GCNT2: variants seen among roughly 807,000 people sequenced by gnomAD.
GCNT2 encodes N-acetyllactosaminide beta-1,6-N-acetylglucosaminyl-transferase.
A neutral mutation model predicts 34.2 loss-of-function variants in GCNT2; 34 were observed. The observed-to-expected ratio is 1.00, with a 90% CI of 0.76 to 1.32. GCNT2 has a LOEUF of 1.32. Among genes scored for constraint, GCNT2 ranks in the 40% most tolerant of loss-of-function variants. The pLI, the probability that GCNT2 is intolerant of heterozygous loss-of-function variation, is 0.00. For synonymous variants in GCNT2, 212 were observed against 188.0 expected, an observed-to-expected ratio of 1.13 and a Z score of -1.04; for missense variants, 584 against 489.4, an observed-to-expected ratio of 1.19 and a Z score of -1.82.
intron 3 of GCNT2, chr6:10,556,127 C>T (rs986572645): frequency 4.3e-5 from 55 of 1,292,132 alleles, no homozygotes; most frequent in African/African-American, 1.2e-4. Flanking sequence ...TTTAGCAAAA[C>T]AGCTAGCAGA....
chr6:10,584,222 C>T (rs1764242085), intron 3 of GCNT2, among the ~76,000 whole-genome samples: 1 of 152,076 alleles, frequency 6.6e-6, no homozygotes. Context: ...GTAAAGGAAT[C>T]TGTGTCATAA....
At chr6:10,588,766 T>C (rs557043053) in intron 3 of GCNT2, among the ~76,000 whole-genome samples, 2 of 146,340 alleles carry the variant, frequency 1.4e-5, no homozygotes, top group African/African-American at 5.0e-5. Flanking sequence ...GTGTGTGGTG[T>C]GTTTGTAGTG....
At chr6:10,534,450 G>C (rs1761667124) in intron 3 of GCNT2, among the ~76,000 whole-genome samples, 1 of 152,026 alleles carries the variant, frequency 6.6e-6, no homozygotes, top group Admixed American at 6.6e-5. Context: ...CTGCTCTCTT[G>C]ACAGCAAGTG....
intron 3 of GCNT2, among the ~76,000 whole-genome samples, chr6:10,539,409 G>A (rs1244186666): frequency 2.0e-5 from 3 of 151,596 alleles, no homozygotes; most frequent in South Asian, 2.1e-4. Context: ...GGCTGGTCTC[G>A]AACTCCTGAC....
rs375876874 is a variant in GCNT2 at position 10,625,624 on chromosome 6, A to T, written c.1019-793A>T. On this transcript the variant is annotated intron_variant, in intron 4 of 4. Transcript: ENST00000495262. ...CTTGGATAGACCAGAGCTCAGGAAA[A>T]AGACTTACTCAACGCAACCCATAAA... is the stretch of plus-strand genomic sequence containing the variant. Among the ~76,000 whole-genome samples the T allele has an allele frequency of 1.6e-4, 24 of 152,290 alleles. No homozygotes were observed. In the East Asian group the frequency reaches 3.5e-3, roughly 22 times the overall value.
chr6:10,597,153 C>CTTTTTT (rs33945698), intron 3 of GCNT2, among the ~76,000 whole-genome samples: 1 of 112,600 alleles, frequency 8.9e-6, no homozygotes, highest in African/African-American at 3.3e-5. Context: ...TAGGAATTGC[C>CTTTTTT]TTTTTTTTTT....
At chr6:10,580,117 A>G (rs1313927970) in intron 3 of GCNT2, among the ~76,000 whole-genome samples, 2 of 152,256 alleles carry the variant, frequency 1.3e-5, no homozygotes, top group African/African-American at 4.8e-5. Context: ...AAACCAAAGA[A>G]GACAAAACTG....
intron 3 of GCNT2, among the ~76,000 whole-genome samples, chr6:10,566,009 C>T (rs564685220): frequency 2.4e-4 from 37 of 152,132 alleles, no homozygotes; most frequent in Admixed American, 1.3e-3. Flanking sequence ...GAGAGCTCCT[C>T]GAGATCTGGC....
chr6:10,577,266 G>A (rs1763862383), intron 3 of GCNT2, among the ~76,000 whole-genome samples: 1 of 152,222 alleles, frequency 6.6e-6, no homozygotes, highest in African/African-American at 2.4e-5. Flanking sequence ...GCCATGTAGG[G>A]CAGGGGGTGG....
intron 3 of GCNT2, among the ~76,000 whole-genome samples, chr6:10,544,627 TAAA>T (rs1762183834): frequency 5.4e-5 from 8 of 149,234 alleles, no homozygotes; most frequent in African/African-American, 2.0e-4. Flanking sequence ...TAAAATAAAA[TAAA>T]ATATTAAATA....
chr6:10,581,440 T>C (rs1026688845), intron 3 of GCNT2, among the ~76,000 whole-genome samples: 1 of 152,040 alleles, frequency 6.6e-6, no homozygotes, highest in Admixed American at 6.5e-5. Context: ...CTGGCTAATT[T>C]TGTATTTTTA....
At position 10,529,636 on chromosome 6, in the gene GCNT2, C is replaced by T. The variant is rs775733706; in HGVS notation, c.725C>T (p.Ser242Phe). The T allele has an allele frequency of 6.2e-7, 1 of 1,614,114 alleles. No homozygotes were observed. The highest frequency in any genetic ancestry group is 1.7e-5 in the Admixed American group (1 of 60,012). The change falls in exon 3 of 5, where the codon TCC becomes TTC. Residue 242 changes from serine (S) to phenylalanine (F), a missense_variant. Coordinates refer to ENST00000495262, the MANE Select transcript of GCNT2 (RefSeq NM_145649.5). ...VHQELLNHKN[S>F]YVIKTTKLKT... is the part of the protein sequence containing the mutation. ...CAAGAACTGTTAAACCACAAAAATT[C>T]CTACGTGATTAAAACAACAAAATTA...
chr6:10,585,034 T>A (rs1043180971), intron 3 of GCNT2, among the ~76,000 whole-genome samples: 15 of 16,608 alleles, frequency 9.0e-4, no homozygotes, highest in African/African-American at 2.3e-3. Flanking sequence ...CCATAGTCAG[T>A]GTGTGTGTGT....
At chr6:10,573,376 A>AT (rs1763642118) in intron 3 of GCNT2, 11 of 802,314 alleles carry the variant, frequency 1.4e-5, no homozygotes, top group Non-Finnish European at 1.7e-5. Flanking sequence ...TTGCTTGGGC[A>AT]TTTAGTGTTA....
intron 3 of GCNT2, chr6:10,586,523 C>T (rs1328011318): frequency 1.2e-5 from 19 of 1,614,120 alleles, no homozygotes; most frequent in East Asian, 6.7e-5. Context: ...AAGACCTTGT[C>T]GCCTCTGAGG....
intron 3 of GCNT2, among the ~76,000 whole-genome samples, chr6:10,566,774 C>G (rs1304349186): frequency 6.6e-6 from 1 of 152,222 alleles, no homozygotes; most frequent in Admixed American, 6.5e-5. Context: ...TAATTAAATG[C>G]ATGCACACAT....
chr6:10,538,349 A>G (rs1380494130), intron 3 of GCNT2, among the ~76,000 whole-genome samples: 1 of 135,430 alleles, frequency 7.4e-6, no homozygotes, highest in African/African-American at 2.8e-5. Context: ...CAGAGGTTGC[A>G]GTGAGCTGAG....
chr6:10,544,465 C>T (rs1480531270), intron 3 of GCNT2, among the ~76,000 whole-genome samples: 2 of 148,588 alleles, frequency 1.3e-5, no homozygotes, highest in Non-Finnish European at 3.0e-5. Context: ...ATTAGCAGGG[C>T]GTGGTGGCAG....
intron 3 of GCNT2, among the ~76,000 whole-genome samples, chr6:10,596,114 C>A (rs79403763): frequency 0.11 from 16,793 of 152,200 alleles, 1,108 homozygotes; most frequent in Middle Eastern, 0.17. Flanking sequence ...ACCTTTTAGG[C>A]TATACTACAT....
Sources: allele counts gnomAD v4.1 joint callset (sites outside exome capture counted in the v4.1 genomes callset), GRCh38; gene constraint gnomAD v4.1.1; transcripts MANE v1.5; gene names NCBI Gene and HGNC (gene_info 2026-07-23, HGNC 2026-07-21).